Variants in CACNA1C observed in about 807,000 individuals in gnomAD.
CACNA1C encodes the protein voltage-dependent L-type calcium channel subunit alpha-1C.
In CACNA1C, 30 loss-of-function variants were observed where a neutral mutation model predicts 229.0. The ratio of observed to expected loss-of-function variants is 0.13; its 90% CI spans 0.10 to 0.18. The LOEUF (loss-of-function observed/expected upper bound fraction) is 0.18, where lower values mean the gene tolerates loss of function less well. Ranked by LOEUF, CACNA1C falls within the 10% of genes least tolerant of loss-of-function variation. The pLI, the probability that CACNA1C is intolerant of heterozygous loss-of-function variation, is 1.00. For synonymous variants in CACNA1C, 1,114 were observed against 1,132.5 expected (o/e 0.98, Z 0.33); for missense variants, 1,658 against 2,845.0 (o/e 0.58, Z 9.49).
intron 3 of CACNA1C, among the ~76,000 whole-genome samples, chr12:2,401,139 GA>G (rs2098671774): frequency 1.3e-5 from 2 of 152,232 alleles, no homozygotes; most frequent in South Asian, 4.1e-4. Flanking sequence ...GGGTCTGGAA[GA>G]GGCCAGAATT....
intron 1 of CACNA1C, among the ~76,000 whole-genome samples, chr12:2,090,456 T>C (rs1381675525): frequency 1.3e-5 from 2 of 151,774 alleles, no homozygotes; most frequent in Non-Finnish European, 2.9e-5. Flanking sequence ...TAGCTGGGAT[T>C]ACAGGTGTGC....
intron 1 of CACNA1C, among the ~76,000 whole-genome samples, chr12:1,972,443 G>A (rs1449066829): frequency 6.6e-6 from 1 of 152,052 alleles, no homozygotes; most frequent in East Asian, 1.9e-4. Flanking sequence ...TAGTACACAT[G>A]CACACACAGC....
intron 30 of CACNA1C, among the ~76,000 whole-genome samples, chr12:2,637,227 C>T (rs927865840): frequency 6.6e-6 from 1 of 152,180 alleles, no homozygotes; most frequent in African/African-American, 2.4e-5. Context: ...GTATTTACAG[C>T]AGTGTGTTTT....
At chr12:2,120,654 C>CTG (rs1491492473) in intron 3 of CACNA1C, among the ~76,000 whole-genome samples, 30 of 98,884 alleles carry the variant, frequency 3.0e-4, no homozygotes, top group African/African-American at 1.1e-3. Flanking sequence ...TGGTGGTGAG[C>CTG]TCTGTGTGTG....
intron 3 of CACNA1C, among the ~76,000 whole-genome samples, chr12:2,149,421 C>T (rs922755484): frequency 2.6e-5 from 4 of 152,122 alleles, no homozygotes; most frequent in South Asian, 2.1e-4. Context: ...TTTAATATTT[C>T]GATTGCAAGA....
At chr12:2,214,743 C>T (rs1599375659) in intron 3 of CACNA1C, among the ~76,000 whole-genome samples, 1 of 49,928 alleles carries the variant, frequency 2.0e-5, no homozygotes, top group Admixed American at 1.7e-4. Context: ...GTGTCACCGC[C>T]AGCCCCCTTC....
chr12:2,283,905 G>T (rs1229321846), intron 3 of CACNA1C, among the ~76,000 whole-genome samples: 1 of 152,222 alleles, frequency 6.6e-6, no homozygotes, highest in Non-Finnish European at 1.5e-5. Flanking sequence ...TATTAGATAT[G>T]GCTGGTGGGG....
chr12:2,634,434 G>T, intron 30 of CACNA1C, 54 bp downstream of exon 30: 1 of 806,156 alleles, frequency 1.2e-6, no homozygotes, highest in South Asian at 2.5e-5. Flanking sequence ...ACACTCATTT[G>T]CCTTTTCCCG....
intron 9 of CACNA1C, among the ~76,000 whole-genome samples, chr12:2,519,847 T>C (rs1470497558): frequency 6.6e-6 from 1 of 152,226 alleles, no homozygotes; most frequent in African/African-American, 2.4e-5. Flanking sequence ...GTCTGTTCAT[T>C]GGTAGCACAT....
intron 1 of CACNA1C, among the ~76,000 whole-genome samples, chr12:2,071,172 C>CCCTCCCTTCCTGCCTGCCTG (rs1555115765): frequency 1.2e-4 from 2 of 16,046 alleles, no homozygotes; most frequent in African/African-American, 3.9e-4. Context: ...CTCCCTCCCT[C>CCCTCCCTTCCTGCCTGCCTG]CCTGCCTGCC....
At chr12:2,513,008 T>C in intron 9 of CACNA1C, 24 bp downstream of exon 9, 1 of 1,571,866 alleles carries the variant, frequency 6.4e-7, no homozygotes, top group Non-Finnish European at 8.6e-7. Flanking sequence ...TTCTTCTGTG[T>C]TTGGGCTGGG....
At chr12:2,202,147 CT>C (rs1228584275) in intron 3 of CACNA1C, among the ~76,000 whole-genome samples, 1 of 152,032 alleles carries the variant, frequency 6.6e-6, no homozygotes, top group Non-Finnish European at 1.5e-5. Flanking sequence ...ACAGGCATTG[CT>C]TTTGATAAAT....
At chr12:1,993,485 CTTTG>C (rs1297251328) in intron 1 of CACNA1C, 3 of 1,492,870 alleles carry the variant, frequency 2.0e-6, no homozygotes, top group South Asian at 2.7e-5. Flanking sequence ...GTCTCTCAAC[CTTTG>C]TTTGTATATG....
Position 2,245,136 on chromosome 12 carries a change from G to A in CACNA1C, c.477+124706G>A, listed in dbSNP as rs528695161. ...GCCATGTGGAGGGGCCGCGCTGATC[G>A]TGAGAGCAAAGGGAATTGTATTATT... On this transcript the variant is annotated intron_variant, in intron 3 of 46. Transcript: ENST00000399655. Among the ~76,000 whole-genome samples the A allele has an allele frequency of 7.2e-5, 11 of 152,306 alleles. No homozygotes were observed. The South Asian group carries it at 1.9e-3, about 26-fold the overall frequency.
intron 3 of CACNA1C, among the ~76,000 whole-genome samples, chr12:2,276,917 G>C (rs2088469180): frequency 6.6e-6 from 1 of 152,026 alleles, no homozygotes; most frequent in African/African-American, 2.4e-5. Flanking sequence ...GACCAGAGAA[G>C]GTCTCAGACA....
chr12:2,315,699 T>C (rs4765674), intron 3 of CACNA1C, among the ~76,000 whole-genome samples: 5,158 of 152,240 alleles, frequency 0.034, 199 homozygotes, highest in African/African-American at 0.09. Context: ...ACCCTATTAA[T>C]TGTACGCACA....
At chr12:2,101,717 T>C (rs570144377) in intron 1 of CACNA1C, among the ~76,000 whole-genome samples, 48 of 151,950 alleles carry the variant, frequency 3.2e-4, no homozygotes, top group African/African-American at 1.1e-3. Context: ...TGACAGTGAA[T>C]GCGCAGGGTG....
At chr12:2,596,589 G>A (rs2068320243) in intron 20 of CACNA1C, among the ~76,000 whole-genome samples, 1 of 152,194 alleles carries the variant, frequency 6.6e-6, no homozygotes, top group African/African-American at 2.4e-5. Flanking sequence ...AAACCACTCT[G>A]CGCTCCTGGG....
intron 3 of CACNA1C, among the ~76,000 whole-genome samples, chr12:2,343,941 C>G (rs570804945): frequency 1.1e-4 from 16 of 152,294 alleles, no homozygotes; most frequent in Admixed American, 7.8e-4. Flanking sequence ...CATCTCCTGC[C>G]TAACATAATG....
Sources: gnomAD v4.1 joint callset for allele counts (sites outside exome capture counted in the v4.1 genomes callset) on GRCh38, gnomAD v4.1.1 for gene constraint, MANE v1.5 for transcripts, NCBI Gene and HGNC (gene_info 2026-07-23, HGNC 2026-07-21) for gene names.